The following STAU1 variants were observed in gnomAD, a reference collection of about 807,000 sequenced individuals.
STAU1 encodes the protein staufen double-stranded RNA binding protein 1.
Under a neutral mutation model 62.9 loss-of-function variants are expected in STAU1, and 13 were observed. The observed-to-expected ratio is 0.21, with a 90% confidence interval of 0.13 to 0.33. STAU1 has a LOEUF of 0.33. Ranked by LOEUF, STAU1 falls within the 10% of genes least tolerant of loss-of-function variation. STAU1 has a pLI of 1.00. For synonymous variants in STAU1, 269 were observed against 265.1 expected, an observed-to-expected ratio of 1.01 and a Z score of -0.14; for missense variants, 571 against 712.1, an observed-to-expected ratio of 0.80 and a Z score of 2.25.
At chr20:49,175,623 G>A (rs2093650240) in intron 1 of STAU1, among the ~76,000 whole-genome samples, 1 of 151,492 alleles carries the variant, frequency 6.6e-6, no homozygotes, top group African/African-American at 2.4e-5. Context: ...GGGGTTACAG[G>A]TGCCCGCTAC....
At chr20:49,155,555 T>C (rs780235320) in intron 3 of STAU1, among the ~76,000 whole-genome samples, 2 of 152,172 alleles carry the variant, frequency 1.3e-5, no homozygotes, top group Non-Finnish European at 2.9e-5. Flanking sequence ...AAAAATCCAC[T>C]TTAAAATGCC....
intron 1 of STAU1, among the ~76,000 whole-genome samples, chr20:49,179,907 G>C (rs1467111056): frequency 6.6e-6 from 1 of 152,138 alleles, no homozygotes; most frequent in African/African-American, 2.4e-5. Flanking sequence ...CAGACTACAG[G>C]GTAGCCTCAG....
chr20:49,216,387 G>T, the STAU1 span, among the ~76,000 whole-genome samples: 5 of 152,018 alleles, frequency 3.3e-5, no homozygotes, highest in Non-Finnish European at 5.9e-5. Flanking sequence ...AATTGGCCAG[G>T]CATGGTGGCG....
intron 3 of STAU1, chr20:49,158,320 C>T: frequency 1.5e-6 from 1 of 675,348 alleles, no homozygotes; most frequent in Non-Finnish European, 2.2e-6. Context: ...TTTTATTCTT[C>T]TGATGTAATC....
the STAU1 span, among the ~76,000 whole-genome samples, chr20:49,202,230 A>AGAAAGAAAGAAAGAAAG: frequency 7.7e-6 from 1 of 130,366 alleles, no homozygotes; most frequent in African/African-American, 2.9e-5. Flanking sequence ...AAAAAAAAAA[A>AGAAAGAAAGAAAGAAAG]AAAGAAAGAA....
At chr20:49,173,804 G>C (rs1182125049) in intron 2 of STAU1, among the ~76,000 whole-genome samples, 1 of 152,012 alleles carries the variant, frequency 6.6e-6, no homozygotes, top group African/African-American at 2.4e-5. Flanking sequence ...TCTCACAATA[G>C]AAAACAATGC....
At chr20:49,189,791 C>A (rs1295261244), upstream of STAU1, among the ~76,000 whole-genome samples, 2 of 152,024 alleles carry the variant, frequency 1.3e-5, no homozygotes, top group Non-Finnish European at 2.9e-5. Flanking sequence ...AAAAATAATT[C>A]TCTCTTTCTT....
chr20:49,115,079 C>T (rs2092281651), intron 13 of STAU1, among the ~76,000 whole-genome samples, 186 bp from the exon 14 acceptor site: 1 of 151,760 alleles, frequency 6.6e-6, no homozygotes, highest in Non-Finnish European at 1.5e-5. Flanking sequence ...GTGTACTTAT[C>T]TCTGTGGGGG....
chr20:49,145,637 G>A (rs994441515), intron 5 of STAU1, among the ~76,000 whole-genome samples: 5 of 151,706 alleles, frequency 3.3e-5, no homozygotes, highest in African/African-American at 9.7e-5. Flanking sequence ...GGCTATGGCA[G>A]GAGAATAGCT....
chr20:49,187,139 A>G (rs932488586), intron 1 of STAU1, among the ~76,000 whole-genome samples: 9 of 152,184 alleles, frequency 5.9e-5, no homozygotes, highest in African/African-American at 1.9e-4. Context: ...TGCTCTAGAT[A>G]GGTTTGCTCA....
chr20:49,170,293 T>C (rs113874459), intron 2 of STAU1, among the ~76,000 whole-genome samples: 3 of 152,206 alleles, frequency 2.0e-5, no homozygotes, highest in East Asian at 1.9e-4. Flanking sequence ...GTTAGTCTTA[T>C]CCACTTTCAA....
intron 2 of STAU1, among the ~76,000 whole-genome samples, chr20:49,170,906 A>G (rs1311974420): frequency 6.6e-6 from 1 of 152,226 alleles, no homozygotes; most frequent in Non-Finnish European, 1.5e-5. Flanking sequence ...AATCTGATGT[A>G]AGATGGATAT....
chr20:49,134,472 C>T lies in STAU1; in HGVS notation c.609+1361G>A, dbSNP rs1387108761. On this transcript the variant is annotated intron_variant, in intron 6 of 13. Transcript: ENST00000371856. ...AAAGCTCTGGGTTGAAACCCGGGCG[C>T]CGCCAAGATGCCGGCTCATTACTCT... 3 of 772,402 alleles carry T rather than the reference C, an allele frequency of 3.9e-6. No homozygotes were observed. In the Admixed American group the frequency reaches 5.8e-5, roughly 15 times the overall value. 47.8% of individuals were successfully genotyped at this position (772,402 alleles called of 1,614,324 possible). A position where few individuals can be genotyped will look rare whatever the true frequency, so the allele number is the denominator to read the frequency against.
chr20:49,126,830 C>T (rs1041699391), intron 6 of STAU1, among the ~76,000 whole-genome samples: 1 of 151,592 alleles, frequency 6.6e-6, no homozygotes, highest in Non-Finnish European at 1.5e-5. Context: ...AAAAATAGTA[C>T]CAGAGCAACT....
chr20:49,166,384 A>T, intron 2 of STAU1, 99 bp from the exon 3 acceptor site: 1 of 593,514 alleles, frequency 1.7e-6, no homozygotes, highest in South Asian at 2.1e-5. Context: ...TGACTTATGA[A>T]AATAGCTCCA....
the STAU1 span, among the ~76,000 whole-genome samples, chr20:49,217,100 G>T: frequency 6.6e-6 from 1 of 152,082 alleles, no homozygotes; most frequent in East Asian, 1.9e-4. Flanking sequence ...CTGGTGCTCT[G>T]GCTGGGTACA....
At chr20:49,122,734 G>A (rs1568825462) in intron 8 of STAU1, among the ~76,000 whole-genome samples, 2 of 151,968 alleles carry the variant, frequency 1.3e-5, no homozygotes, top group Non-Finnish European at 2.9e-5. Flanking sequence ...TGGCCAACAT[G>A]GCGAAACTCC....
At chr20:49,140,941 C>CTT (rs2092992578) in intron 5 of STAU1, among the ~76,000 whole-genome samples, 2 of 150,882 alleles carry the variant, frequency 1.3e-5, no homozygotes, top group South Asian at 4.2e-4. Context: ...CAGCTGTTTC[C>CTT]CTGAAGAGCA....
At chr20:49,119,405 T>C (rs1421512574) in intron 9 of STAU1, among the ~76,000 whole-genome samples, 1 of 152,130 alleles carries the variant, frequency 6.6e-6, no homozygotes, top group Non-Finnish European at 1.5e-5. Context: ...CTTGAACTCC[T>C]GGATTCAAGG....
Sources: allele counts gnomAD v4.1 joint callset (sites outside exome capture counted in the v4.1 genomes callset), GRCh38; gene constraint gnomAD v4.1.1; transcripts MANE v1.5; gene names NCBI Gene and HGNC (gene_info 2026-07-23, HGNC 2026-07-21).